Variants in SERHL2 observed in about 807,000 individuals in gnomAD.
SERHL2 encodes serine hydrolase like 2.
In SERHL2, 29 loss-of-function variants were observed where a neutral mutation model predicts 25.5. The observed-to-expected ratio is 1.14, with a 90% CI of 0.85 to 1.55. The LOEUF is 1.55. Ranked by LOEUF, SERHL2 falls within the 40% of genes most tolerant of loss-of-function variation. SERHL2 has a pLI of 0.00. For missense variants in SERHL2, 240 were observed against 252.3 expected (o/e 0.95, Z 0.33); for synonymous variants, 95 against 103.5 (o/e 0.92, Z 0.50).
At chr22:42,573,890 A>C in intron 11 of SERHL2, 46 bp from the exon 12 acceptor site, 1 of 1,582,710 alleles carries the variant, frequency 6.3e-7, no homozygotes, top group Non-Finnish European at 8.6e-7. Flanking sequence ...GGAGCTCCCT[A>C]GGCTCCTCTG....
chr22:42,569,289 T>TAC lies in SERHL2; in HGVS notation c.649-1831_649-1830dup, dbSNP rs780003342. ...ATTTATTTATTTAGAGACCAAGTCTTACTCTGTCATCCAGGGTGGAGTGCG... is the reference window on the plus strand; with the variant it reads ...ATTTATTTATTTAGAGACCAAGTCTTACACTCTGTCATCCAGGGTGGAGTGCG... On this transcript the variant is annotated intron_variant, in intron 9 of 11. Coordinates refer to ENST00000327678, the MANE Select transcript of SERHL2 (RefSeq NM_014509.5). 2.6e-5 allele frequency: 4 copies of TAC among 151,892 alleles called. No individual in the cohort carries two copies. In the East Asian group the frequency reaches 5.8e-4, roughly 22 times the overall value. 9.4% of individuals were successfully genotyped at this position (151,892 alleles called of 1,614,324 possible).
rs9620066 is a variant in SERHL2 at position 42,573,038 on chromosome 22, C to A, written c.825+509C>A. Reference sequence around the variant, plus strand: ...GACTGCCTCATCCCTCTGCACCCATCATGACAGTGGGCGTGCTGGCTGTAG... The same window carrying A: ...GACTGCCTCATCCCTCTGCACCCATAATGACAGTGGGCGTGCTGGCTGTAG... On this transcript the variant is annotated intron_variant, in intron 11 of 11. Transcript: ENST00000327678. 2.0e-3 allele frequency among the ~76,000 whole-genome samples: 299 copies of A among 151,960 alleles called. 2 individuals carry two copies. The highest frequency in any genetic ancestry group is 6.9e-3 in the African/African-American group (287 of 41,512).
At chr22:42,571,091 C>T (rs377664786) in intron 9 of SERHL2, 30 bp from the exon 10 acceptor site, 58 of 1,612,996 alleles carry the variant, frequency 3.6e-5, no homozygotes, top group African/African-American at 2.7e-4. Context: ...TGCCTTGTGA[C>T]GAGAATTCAC....
Position 42,553,988 on chromosome 22 carries a change from G to C in SERHL2, c.-33G>C, listed in dbSNP as rs774420192. ...TCCTGCGACCTAGCCAGGCGTGAGG[G>C]AGTGACAGCAGCGCATTCGCGGGAC... is the stretch of plus-strand genomic sequence containing the variant. On this transcript the variant is annotated 5_prime_UTR_variant, in exon 1 of 12. Coordinates refer to ENST00000327678, the MANE Select transcript of SERHL2 (RefSeq NM_014509.5). The C allele has an allele frequency of 6.2e-7, 1 of 1,613,090 alleles. No individual in the cohort carries two copies. The highest frequency in any genetic ancestry group is 1.3e-5 in the African/African-American group (1 of 75,050).
chr22:42,563,203 T>TTTG (rs1183231133), intron 8 of SERHL2, among the ~76,000 whole-genome samples: 4 of 77,096 alleles, frequency 5.2e-5, no homozygotes, highest in Admixed American at 4.2e-4. Flanking sequence ...TTTTTTTTTT[T>TTTG]TTGTTGTTGT....
At chr22:42,554,209 TG>T in intron 1 of SERHL2, 167 bp downstream of exon 1, 1 of 854,176 alleles carries the variant, frequency 1.2e-6, no homozygotes, top group Non-Finnish European at 1.8e-6. Context: ...GGCCAGGAGT[TG>T]GGGGACCCGG....
chr22:42,571,042 C>G (rs1924103249), intron 9 of SERHL2, 79 bp from the exon 10 acceptor site: 1 of 1,603,444 alleles, frequency 6.2e-7, no homozygotes, highest in Admixed American at 1.7e-5. Flanking sequence ...GACTTAGCCA[C>G]CCCAACAGAG....
chr22:42,559,231 A>T lies in SERHL2; in HGVS notation c.533+774A>T, dbSNP rs1258821596. On this transcript the variant is annotated intron_variant, in intron 7 of 11. Transcript: ENST00000327678. ...GCGAGATAGCGAGACCCTGTATTTA[A>T]AAAAAAAAAAAAAAAAAAAAAAAAA... Among the ~76,000 whole-genome samples, 19 of 96,794 alleles carry T rather than the reference A, an allele frequency of 2.0e-4. 1 individual carries two copies. The highest frequency in any genetic ancestry group is 5.1e-3 in the Middle Eastern group (1 of 196). The allele number at this position is 96,794 out of a possible 152,430, so 63.5% of individuals were successfully genotyped here. A position where few individuals can be genotyped will look rare whatever the true frequency, so the allele number is the denominator to read the frequency against.
intron 11 of SERHL2, 133 bp downstream of exon 11, chr22:42,572,662 C>T (rs1474298138): frequency 7.7e-6 from 11 of 1,435,366 alleles, no homozygotes; most frequent in African/African-American, 1.4e-5. Context: ...CAGGATCTAT[C>T]AGGCCTCATG....
intron 9 of SERHL2, among the ~76,000 whole-genome samples, chr22:42,568,725 G>A (rs1923747141): frequency 6.6e-6 from 1 of 152,010 alleles, no homozygotes; most frequent in Admixed American, 6.5e-5. Flanking sequence ...AGCACTTTGG[G>A]ATGCCAAGGC....
At chr22:42,567,507 G>A (rs1256500246) in intron 9 of SERHL2, among the ~76,000 whole-genome samples, 1 of 150,250 alleles carries the variant, frequency 6.7e-6, no homozygotes, top group Non-Finnish European at 1.5e-5. Flanking sequence ...TACTAAAAAT[G>A]CAAAAAATTA....
rs556766458 is a variant in SERHL2, at chr22:42,568,898, G to A, written c.649-2223G>A. ...GGAGAATCGCTTTAACTCGGGAGGC[G>A]GAGATTGCAGTGAGCTGAGATCGCC... On this transcript the variant is annotated intron_variant, in intron 9 of 11. Coordinates refer to ENST00000327678, the MANE Select transcript of SERHL2 (RefSeq NM_014509.5). Among the ~76,000 whole-genome samples the A allele has an allele frequency of 1.2e-3, 184 of 151,598 alleles. 4 individuals are homozygous for A. Among genetic ancestry groups the A allele is most frequent in the Non-Finnish European group, 2.0e-3 (134 of 67,818 alleles).
chr22:42,566,316 A>G lies in SERHL2; in HGVS notation c.626A>G (p.Asn209Ser). The G allele has an allele frequency of 6.2e-7, 1 of 1,612,186 alleles. No homozygotes were observed. The highest frequency in any genetic ancestry group is 1.1e-5 in the South Asian group (1 of 91,072). ...CTTCCGCCTCCAGGTCTGGTTCTGA[A>G]CAGAGACCAGAGGCTCGCCTGGGTG... ...TTKVATGLVLNRDQRLAWAEN... is the reference protein window; with the variant it reads ...TTKVATGLVLSRDQRLAWAEN... Residue 209 changes from asparagine (N) to serine (S), a missense_variant, in exon 9 of 12, where the codon AAC becomes AGC. Coordinates refer to ENST00000327678, the MANE Select transcript of SERHL2 (RefSeq NM_014509.5).
At chr22:42,562,282 G>A (rs1367256135) in intron 8 of SERHL2, among the ~76,000 whole-genome samples, 1 of 149,786 alleles carries the variant, frequency 6.7e-6, no homozygotes, top group Non-Finnish European at 1.5e-5. Flanking sequence ...TTCTGAACTG[G>A]GATAACTTCC....
At position 42,573,988 on chromosome 22, in the gene SERHL2, C is replaced by G. The variant is rs758326909; in HGVS notation, c.878C>G (p.Pro293Arg). The change falls in exon 12 of 12, where the codon CCC becomes CGC. Residue 293 changes from proline (P) to arginine (R), a missense_variant. Physicochemically the swap from Pro to Arg is moderately radical, Grantham distance 103 (BLOSUM62 -2). Coordinates refer to ENST00000327678, the MANE Select transcript of SERHL2 (RefSeq NM_014509.5). ...AATCACTGTGTCCACATGAGCGAAC[C>G]CCAGCACGTGGCCAGTATCATCAGC... is the stretch of plus-strand genomic sequence containing the variant. ...PGNHCVHMSE[P>R]QHVASIISSF... 1.2e-6 allele frequency: 2 copies of G among 1,611,428 alleles called. No homozygotes were observed. The highest frequency in any genetic ancestry group is 2.2e-5 in the East Asian group (1 of 44,862).
chr22:42,556,763 C>A (rs1601829013), intron 6 of SERHL2, 175 bp downstream of exon 6: 2 of 852,844 alleles, frequency 2.3e-6, no homozygotes, highest in East Asian at 9.2e-5. Flanking sequence ...CTGCTTATAC[C>A]CCTAGCAGTG....
In SERHL2 at chr22:42,571,454, G is replaced by A. The variant is rs958093928; in HGVS notation, c.731+251G>A. On this transcript the variant is annotated intron_variant, in intron 10 of 11. Coordinates refer to ENST00000327678, the MANE Select transcript of SERHL2 (RefSeq NM_014509.5). Reference sequence around the variant, plus strand: ...GCCTTTCCACAGGTGTCAGCGGGGGGCATGCCCAGGTAAGGCTCCATAACC... The same window carrying A: ...GCCTTTCCACAGGTGTCAGCGGGGGACATGCCCAGGTAAGGCTCCATAACC... 20 of 1,336,816 alleles carry A rather than the reference G, an allele frequency of 1.5e-5. 1 individual carries two copies. Among genetic ancestry groups the A allele is most frequent in the Admixed American group, 6.1e-5 (2 of 32,778 alleles). The allele number at this position is 1,336,816 out of a possible 1,614,324, so 82.8% of individuals were successfully genotyped here. A position where few individuals can be genotyped will look rare whatever the true frequency, so the allele number is the denominator to read the frequency against.
Position 42,566,344 on chromosome 22 carries a change from T to C in SERHL2, c.648+6T>C. 5.6e-6 allele frequency: 9 copies of C among 1,611,284 alleles called. No individual in the cohort carries two copies. The highest frequency in any genetic ancestry group is 7.6e-6 in the Non-Finnish European group (9 of 1,178,888). On this transcript the variant is annotated splice_donor_region_variant and intron_variant, in intron 9 of 11. Transcript: ENST00000327678. ...GAGACCAGAGGCTCGCCTGGGTGAG[T>C]ACCACTGCCTCCGGGTCCCCCGCCA...
chr22:42,573,869 C>T, intron 11 of SERHL2, 67 bp from the exon 12 acceptor site: 1 of 1,524,976 alleles, frequency 6.6e-7, no homozygotes, highest in East Asian at 2.3e-5. Context: ...GGCCCTGACC[C>T]CGGGGCCCAT....
Sources: gnomAD v4.1 joint callset for allele counts (sites outside exome capture counted in the v4.1 genomes callset) on GRCh38, gnomAD v4.1.1 for gene constraint, MANE v1.5 for transcripts, NCBI Gene and HGNC (gene_info 2026-07-23, HGNC 2026-07-21) for gene names.